The following TMEM218 variants were observed in gnomAD, a reference collection of about 807,000 sequenced individuals.
TMEM218 encodes transmembrane protein 218.
A neutral mutation model predicts 10.0 loss-of-function variants in TMEM218; 8 were observed. That is an observed-to-expected ratio of 0.80 (90% CI 0.47 to 1.44). TMEM218 has a LOEUF of 1.44. TMEM218 is among the 40% of genes most tolerant of loss of function. TMEM218 has a pLI of 0.00. For synonymous variants in TMEM218, 66 were observed against 63.5 expected (o/e 1.04, Z -0.18); for missense variants, 110 against 140.1 (o/e 0.79, Z 1.08).
In TMEM218 at chr11:125,101,245, A is replaced by G; in HGVS notation, c.169T>C (p.Phe57Leu). 6.2e-7 allele frequency: 1 copy of G among 1,613,834 alleles called. No individual in the cohort carries two copies. The highest frequency in any genetic ancestry group is 8.5e-7 in the Non-Finnish European group (1 of 1,179,836). ...GCTGGGAATTCACCAGCTCGCGGGA[A>G]AAGCAACAGAACTGATGTGATGATC... ...AVIITSVLLLFPRAGEFPAPE... is the reference protein window; with the variant it reads ...AVIITSVLLLLPRAGEFPAPE... The change falls in exon 4 of 5, where the codon TTC becomes CTC. Residue 57 changes from phenylalanine to leucine, a missense_variant. Coordinates refer to ENST00000682305, the MANE Select transcript of TMEM218 (RefSeq NM_001258244.2).
chr11:125,106,619 T>G (rs7128296), intron 1 of TMEM218, among the ~76,000 whole-genome samples: 60,614 of 152,006 alleles, frequency 0.4, 12,422 homozygotes, highest in Non-Finnish European at 0.45. Context: ...AATTGCAAAT[T>G]AAAACCAAAT....
chr11:125,103,792 T>A (rs1372440142), intron 1 of TMEM218: 1 of 152,218 alleles, frequency 6.6e-6, no homozygotes, highest in Non-Finnish European at 1.5e-5. Flanking sequence ...TGGAGACAAG[T>A]CTTAAGCAAA....
rs777108861 is a variant in TMEM218 at position 125,097,597 on chromosome 11, G to A, written c.*9C>T. The A allele has an allele frequency of 6.2e-7, 1 of 1,613,302 alleles. No individual in the cohort carries two copies. The highest frequency in any genetic ancestry group is 1.1e-5 in the South Asian group (1 of 90,922). ...GGAGAGAACAGGTTTTCGTTTTCCT[G>A]AAGAGTGGTCAGTAGGAGTGCAGTG... On this transcript the variant is annotated 3_prime_UTR_variant, in exon 5 of 5. Coordinates refer to ENST00000682305, the MANE Select transcript of TMEM218 (RefSeq NM_001258244.2).
intron 1 of TMEM218, among the ~76,000 whole-genome samples, chr11:125,105,247 T>A (rs1211821459): frequency 1.3e-5 from 2 of 152,100 alleles, no homozygotes. Context: ...GATATGGGAA[T>A]CCCAAATAGA....
intron 1 of TMEM218, 86 bp from the exon 2 acceptor site, chr11:125,102,895 G>A: frequency 2.8e-6 from 1 of 360,554 alleles, no homozygotes; most frequent in South Asian, 2.6e-5. Context: ...GAATCCCGGA[G>A]CGAAGCTTCT....
chr11:125,105,286 T>C (rs1051183116), intron 1 of TMEM218, among the ~76,000 whole-genome samples: 1 of 152,090 alleles, frequency 6.6e-6, no homozygotes, highest in African/African-American at 2.4e-5. Flanking sequence ...AGACTAAAAG[T>C]GAGAACCCAT....
At chr11:125,103,839 T>C (rs1231196358) in intron 1 of TMEM218, 1 of 152,180 alleles carries the variant, frequency 6.6e-6, no homozygotes, top group East Asian at 1.9e-4. Flanking sequence ...TTTACCCTTA[T>C]GGTTTAAATA....
chr11:125,096,363 T>C lies in TMEM218; in HGVS notation c.*1243A>G, dbSNP rs573670655. Among the ~76,000 whole-genome samples the C allele has an allele frequency of 1.4e-4, 21 of 152,126 alleles. No individual in the cohort carries two copies. The highest frequency in any genetic ancestry group is 2.8e-4 in the Non-Finnish European group (19 of 68,024). On this transcript the variant is annotated 3_prime_UTR_variant, in exon 5 of 5. Coordinates refer to ENST00000682305, the MANE Select transcript of TMEM218 (RefSeq NM_001258244.2). ...TGTGGCCTTAACCTACCTGAAGCTC[T>C]CAATCAGAGTTCCACAAACCCTAGT...
At chr11:125,102,598 C>A in intron 2 of TMEM218, 136 bp downstream of exon 2, 6 of 1,317,518 alleles carry the variant, frequency 4.6e-6, no homozygotes, top group Admixed American at 2.3e-5. Context: ...CCCCAGCCCA[C>A]GGGAGAAAGC....
At chr11:125,110,278 T>A (rs1953479161) in intron 1 of TMEM218, among the ~76,000 whole-genome samples, 1 of 152,216 alleles carries the variant, frequency 6.6e-6, no homozygotes, top group South Asian at 2.1e-4. Flanking sequence ...ATTTCAAGGG[T>A]AAGTCCATTT....
At position 125,108,278 on chromosome 11, in the gene TMEM218, T is replaced by C. The variant is rs1043051052; in HGVS notation, c.-153+3261A>G. Among the ~76,000 whole-genome samples the C allele has an allele frequency of 6.6e-6, 1 of 152,186 alleles. No individual in the cohort carries two copies. The highest frequency in any genetic ancestry group is 1.5e-5 in the Non-Finnish European group (1 of 68,030). ...AACAGATCCATGCATTTGTGAGAAC[T>C]TCCTACAGCACAGAGTTGGCTTTAT... On this transcript the variant is annotated intron_variant, in intron 1 of 4. Transcript: ENST00000682305. This position sits in a 1 kb window ranked among gnomAD's most constrained non-coding sequence, Gnocchi z 5.3.
intron 1 of TMEM218, among the ~76,000 whole-genome samples, chr11:125,107,542 ATAT>A (rs1396199186): frequency 1.4e-4 from 21 of 152,078 alleles, no homozygotes; most frequent in African/African-American, 4.3e-4. Context: ...TAAAAAGATG[ATAT>A]TATTATATTG....
At chr11:125,102,638 TAAGAACTGGTAG>T (rs1951090929) in intron 2 of TMEM218, 84 bp downstream of exon 2, 1 of 1,296,418 alleles carries the variant, frequency 7.7e-7, no homozygotes, top group African/African-American at 1.5e-5. Context: ...AAACCCTACC[TAAGAACTGGTAG>T]AAGACACCAG....
chr11:125,108,171 C>T lies in TMEM218; in HGVS notation c.-153+3368G>A, dbSNP rs1204049276. On this transcript the variant is annotated intron_variant, in intron 1 of 4. Coordinates refer to ENST00000682305, the MANE Select transcript of TMEM218 (RefSeq NM_001258244.2). The surrounding 1 kb of genome is among the most constrained non-coding windows in gnomAD (Gnocchi z 5.3). Reference sequence around the variant, plus strand: ...TCTTGTTACCAACTGCCGCAAGACACATTGAAAAACCAAAGTAATTAAAAC... The same window carrying T: ...TCTTGTTACCAACTGCCGCAAGACATATTGAAAAACCAAAGTAATTAAAAC... Among the ~76,000 whole-genome samples the T allele has an allele frequency of 6.6e-6, 1 of 152,132 alleles. No individual in the cohort carries two copies. Among genetic ancestry groups the T allele is most frequent in the Admixed American group, 6.5e-5 (1 of 15,270 alleles).
Position 125,095,512 on chromosome 11 carries a change from TGCA to T in TMEM218, c.*2091_*2093del, listed in dbSNP as rs1949534666. ...CCCTGCGGGGCTTTTTTTGCATAACTGCATTGAGTATGCAGGTAGAAAGAAATC... is the reference window on the plus strand; with the variant it reads ...CCCTGCGGGGCTTTTTTTGCATAACTTTGAGTATGCAGGTAGAAAGAAATC... On this transcript the variant is annotated 3_prime_UTR_variant, in exon 5 of 5. Coordinates refer to ENST00000682305, the MANE Select transcript of TMEM218 (RefSeq NM_001258244.2). Among the ~76,000 whole-genome samples, 1 of 152,192 alleles carries T rather than the reference TGCA, an allele frequency of 6.6e-6. No individual in the cohort carries two copies. The highest frequency in any genetic ancestry group is 1.5e-5 in the Non-Finnish European group (1 of 68,038).
chr11:125,105,307 CAG>C lies in TMEM218; in HGVS notation c.-152-2500_-152-2499del, dbSNP rs536810028. 4.6e-5 allele frequency among the ~76,000 whole-genome samples: 7 copies of C among 152,236 alleles called. No individual in the cohort carries two copies. In the South Asian group the frequency reaches 1.2e-3, roughly 27 times the overall value. On this transcript the variant is annotated intron_variant, in intron 1 of 4. Coordinates refer to ENST00000682305, the MANE Select transcript of TMEM218 (RefSeq NM_001258244.2). Reference sequence around the variant, plus strand: ...AAAGTGAGAACCCATTGGATCCCAGCAGAGACAAAACTAAACCCACAGGCTGG... The same window carrying C: ...AAAGTGAGAACCCATTGGATCCCAGCAGACAAAACTAAACCCACAGGCTGG...
In TMEM218 at chr11:125,102,466, T is replaced by C. The variant is rs868742984; in HGVS notation, c.-76-149A>G. The C allele has an allele frequency of 6.8e-6, 10 of 1,478,822 alleles. No individual in the cohort carries two copies. The Middle Eastern group carries it at 1.7e-3, about 253-fold the overall frequency. The allele number at this position is 1,478,822 out of a possible 1,614,324, so 91.6% of individuals were successfully genotyped here. ...AGAGTCCCTTAATGGAAACTGGAAA[T>C]TTAGAACCCAAAGCCTTTCTCTTTG... On this transcript the variant is annotated intron_variant, in intron 2 of 4. Coordinates refer to ENST00000682305, the MANE Select transcript of TMEM218 (RefSeq NM_001258244.2).
In TMEM218 at chr11:125,097,531, C is replaced by T. The variant is rs746105598; in HGVS notation, c.*75G>A. 3 of 1,546,034 alleles carry T rather than the reference C, an allele frequency of 1.9e-6. No homozygotes were observed. The highest frequency in any genetic ancestry group is 2.6e-6 in the Non-Finnish European group (3 of 1,134,372). On this transcript the variant is annotated 3_prime_UTR_variant, in exon 5 of 5. Transcript: ENST00000682305. ...GCATGAGGGCTGTCAAAACAAGGCTCTGAATAGTGCCTTCCTGCTCATCAA... is the reference window on the plus strand; with the variant it reads ...GCATGAGGGCTGTCAAAACAAGGCTTTGAATAGTGCCTTCCTGCTCATCAA...
In TMEM218 at chr11:125,108,718, A is replaced by G. The variant is rs1323907474; in HGVS notation, c.-153+2821T>C. ...GAGTTGCATTCCTGGAAATTTTACTATATTAAACTGTGCCAAAAAATACAT... is the reference window on the plus strand; with the variant it reads ...GAGTTGCATTCCTGGAAATTTTACTGTATTAAACTGTGCCAAAAAATACAT... On this transcript the variant is annotated intron_variant, in intron 1 of 4. Transcript: ENST00000682305. The surrounding 1 kb of genome is among the most constrained non-coding windows in gnomAD (Gnocchi z 5.3). Among the ~76,000 whole-genome samples, 4 of 152,204 alleles carry G rather than the reference A, an allele frequency of 2.6e-5. 1 individual carries two copies. The highest frequency in any genetic ancestry group is 4.1e-4 in the South Asian group (2 of 4,822).
Sources: gnomAD v4.1 joint callset for allele counts (sites outside exome capture counted in the v4.1 genomes callset) on GRCh38, gnomAD v4.1.1 for gene constraint, Gnocchi (gnomAD v3.1) non-coding constraint, MANE v1.5 for transcripts, NCBI Gene and HGNC (gene_info 2026-07-23, HGNC 2026-07-21) for gene names.